The following IFFO2 variants were observed in gnomAD, a reference collection of about 807,000 sequenced individuals.
The protein encoded by IFFO2 is intermediate filament family orphan 2.
Under a neutral mutation model 53.5 loss-of-function variants are expected in IFFO2, and 19 were observed. The observed-to-expected ratio is 0.36, with a 90% CI of 0.25 to 0.52. IFFO2 has a LOEUF of 0.52. Ranked by LOEUF, IFFO2 falls within the 20% of genes least tolerant of loss-of-function variation. The pLI, the probability that IFFO2 is intolerant of heterozygous loss-of-function variation, is 0.94. For synonymous variants in IFFO2, 303 were observed against 313.6 expected, an observed-to-expected ratio of 0.97 and a Z score of 0.36; for missense variants, 570 against 727.4, an observed-to-expected ratio of 0.78 and a Z score of 2.49.
chr1:18,949,403 C>T lies in IFFO2; in HGVS notation c.665+6265G>A, dbSNP rs112912265. Among the ~76,000 whole-genome samples the T allele has an allele frequency of 4.6e-5, 7 of 152,292 alleles. No individual in the cohort carries two copies. The East Asian group carries it at 7.7e-4, about 17-fold the overall frequency. ...TCGGGAGGTGGTGGGTGCTTAGGAC[C>T]GCCTGACAGCAGAAAGTCAGGAAAA... On this transcript the variant is annotated intron_variant, in intron 1 of 8. Transcript: ENST00000455833.
chr1:18,921,130 G>C lies in IFFO2; in HGVS notation c.666-9C>G. On this transcript the variant is annotated splice_polypyrimidine_tract_variant and intron_variant, in intron 1 of 8. Coordinates refer to ENST00000455833, the MANE Select transcript of IFFO2 (RefSeq NM_001136265.2). ...CGAGCTCCTCCTCCCACCTGCAAAA[G>C]CCAAGAGGAACAGGTGGTCAGAAGG... is the stretch of plus-strand genomic sequence containing the variant. 2.6e-6 allele frequency: 4 copies of C among 1,551,756 alleles called. No individual in the cohort carries two copies. Among genetic ancestry groups the C allele is most frequent in the Non-Finnish European group, 3.5e-6 (4 of 1,146,914 alleles).
intron 5 of IFFO2, among the ~76,000 whole-genome samples, chr1:18,914,309 A>C (rs1005794791): frequency 2.0e-5 from 3 of 152,140 alleles, no homozygotes; most frequent in African/African-American, 7.2e-5. Flanking sequence ...TTCCACTCTG[A>C]TCTGTCTCCT....
chr1:18,953,963 G>A (rs942097858), intron 1 of IFFO2, among the ~76,000 whole-genome samples: 2 of 152,206 alleles, frequency 1.3e-5, no homozygotes, highest in African/African-American at 4.8e-5. Flanking sequence ...GCAGACAGGA[G>A]GGCCCGGCCC....
intron 5 of IFFO2, among the ~76,000 whole-genome samples, chr1:18,915,384 A>G (rs1309166181): frequency 1.4e-4 from 2 of 14,486 alleles, no homozygotes; most frequent in Non-Finnish European, 2.7e-4. Flanking sequence ...TCTGATTGGT[A>G]GCTCTGATTT....
chr1:18,946,293 CTG>C (rs1192391672), intron 1 of IFFO2, among the ~76,000 whole-genome samples: 1 of 151,986 alleles, frequency 6.6e-6, no homozygotes, highest in Non-Finnish European at 1.5e-5. Flanking sequence ...GAAGTGAAAA[CTG>C]AGGCTCAAGC....
At position 18,912,017 on chromosome 1, in the gene IFFO2, C is replaced by T. The variant is rs1184486474; in HGVS notation, c.1170G>A (p.Leu390=). 2.6e-6 allele frequency: 4 copies of T among 1,551,822 alleles called. No homozygotes were observed. Among genetic ancestry groups the T allele is most frequent in the African/African-American group, 1.4e-5 (1 of 73,178 alleles). The change falls in exon 6 of 9, where the codon CTG becomes CTA. Residue 390 remains leucine (L), a synonymous_variant. Transcript: ENST00000455833. ...SLTWEENEDT[L]LLWEDFTNCN... ...AGTTGGTGAAATCCTCCCAGAGCAG[C>T]AGCGTGTCTTCATTCTCTTCCCACG...
Position 18,905,899 on chromosome 1 carries a change from T to A in IFFO2, c.*2662A>T, listed in dbSNP as rs1169676380. 6.6e-6 allele frequency: 1 copy of A among 152,044 alleles called. No individual in the cohort carries two copies. Among genetic ancestry groups the A allele is most frequent in the Non-Finnish European group, 1.5e-5 (1 of 68,028 alleles). The allele number at this position is 152,044 out of a possible 1,614,324, so 9.4% of individuals were successfully genotyped here. A position where few individuals can be genotyped will look rare whatever the true frequency, so the allele number is the denominator to read the frequency against. ...GGGCTTAGAAATAGAAAGTCAAAAT[T>A]AAGTATTTACAGCTTTACAAAGGAT... On this transcript the variant is annotated 3_prime_UTR_variant, in exon 9 of 9. Transcript: ENST00000455833.
rs75991162 is a variant in IFFO2 at position 18,910,335 on chromosome 1, C to A, written c.1448+7G>T. 2 of 1,599,070 alleles carry A rather than the reference C, an allele frequency of 1.3e-6. No homozygotes were observed. The highest frequency in any genetic ancestry group is 8.5e-7 in the Non-Finnish European group (1 of 1,172,980). ...TAGCTGAATCCCCTGGGAGGATGGGCGGGTACCTGTCTGCGGAGCCTTTGA... is the reference window on the plus strand; with the variant it reads ...TAGCTGAATCCCCTGGGAGGATGGGAGGGTACCTGTCTGCGGAGCCTTTGA... On this transcript the variant is annotated splice_region_variant and intron_variant, in intron 8 of 8. Transcript: ENST00000455833.
intron 1 of IFFO2, among the ~76,000 whole-genome samples, chr1:18,954,509 C>T (rs185491953): frequency 6.6e-6 from 1 of 152,340 alleles, no homozygotes; most frequent in East Asian, 1.9e-4. Flanking sequence ...AAGGGTCCTT[C>T]TCAGTACATC....
In IFFO2 at chr1:18,921,128, A is replaced by T; in HGVS notation, c.666-7T>A. 6.4e-7 allele frequency: 1 copy of T among 1,551,738 alleles called. No homozygotes were observed. Among genetic ancestry groups the T allele is most frequent in the Non-Finnish European group, 8.7e-7 (1 of 1,146,950 alleles). ...GGCGAGCTCCTCCTCCCACCTGCAA[A>T]AGCCAAGAGGAACAGGTGGTCAGAA... On this transcript the variant is annotated splice_region_variant and splice_polypyrimidine_tract_variant and intron_variant, in intron 1 of 8. Coordinates refer to ENST00000455833, the MANE Select transcript of IFFO2 (RefSeq NM_001136265.2).
chr1:18,929,611 G>A (rs1364805599), intron 1 of IFFO2, among the ~76,000 whole-genome samples: 2 of 151,678 alleles, frequency 1.3e-5, no homozygotes, highest in African/African-American at 2.4e-5. Context: ...GGTGACCAAG[G>A]GGCCCTTTGC....
In IFFO2 at chr1:18,917,129, C is replaced by T; in HGVS notation, c.964-87G>A. The T allele has an allele frequency of 2.1e-6, 3 of 1,438,988 alleles. No homozygotes were observed. Among genetic ancestry groups the T allele is most frequent in the Non-Finnish European group, 2.8e-6 (3 of 1,062,688 alleles). The allele number at this position is 1,438,988 out of a possible 1,614,324, so 89.1% of individuals were successfully genotyped here. On this transcript the variant is annotated intron_variant, in intron 4 of 8. Transcript: ENST00000455833. This position sits in a 1 kb window ranked among gnomAD's most constrained non-coding sequence, Gnocchi z 5.9. Reference sequence around the variant, plus strand: ...TGAACTGGGAAGGGAGCCGGCATCTCACAGGATGATGAGCGTGACTGGGGC... The same window carrying T: ...TGAACTGGGAAGGGAGCCGGCATCTTACAGGATGATGAGCGTGACTGGGGC...
At chr1:18,913,388 C>A (rs1936072815) in intron 5 of IFFO2, among the ~76,000 whole-genome samples, 1 of 152,248 alleles carries the variant, frequency 6.6e-6, no homozygotes, top group Non-Finnish European at 1.5e-5. Flanking sequence ...CCTGACTTCA[C>A]TTCCTTCCCA....
chr1:18,912,953 A>T (rs1936062865), intron 5 of IFFO2, among the ~76,000 whole-genome samples: 1 of 152,230 alleles, frequency 6.6e-6, no homozygotes, highest in Non-Finnish European at 1.5e-5. Flanking sequence ...AGACCTAAAG[A>T]TCAGCTCATC....
rs1473085206 is a variant in IFFO2 at position 18,919,722 on chromosome 1, G to A, written c.778C>T (p.Arg260Trp). Residue 260 changes from arginine (R) to tryptophan (W), a missense_variant, in exon 3 of 9, where the codon CGG (arginine) becomes TGG (tryptophan). By Grantham distance (101) the Arg-to-Trp change is moderately radical. Transcript: ENST00000455833. The surrounding 1 kb of genome is among the most constrained non-coding windows in gnomAD (Gnocchi z 4.9). ...IQEEMNEKIE[R>W]LKAELVVFKG... ...AACACCACCAGCTCGGCCTTGAGCC[G>A]CTCGATCTTCTCATTCATCTCCTCC... 1.7e-5 allele frequency: 26 copies of A among 1,551,494 alleles called. No homozygotes were observed. The highest frequency in any genetic ancestry group is 4.8e-5 in the South Asian group (4 of 84,068).
intron 1 of IFFO2, among the ~76,000 whole-genome samples, chr1:18,943,683 A>G (rs1370087797): frequency 2.0e-5 from 3 of 152,186 alleles, no homozygotes; most frequent in Non-Finnish European, 2.9e-5. Flanking sequence ...TGGTGCAGCC[A>G]AGCACAGGGC....
intron 1 of IFFO2, among the ~76,000 whole-genome samples, chr1:18,945,430 A>G (rs16862392): frequency 6.6e-6 from 1 of 152,214 alleles, no homozygotes; most frequent in Non-Finnish European, 1.5e-5. Context: ...GGGGAACTTC[A>G]CAAGATCTAC....
chr1:18,915,792 G>T (rs1046086302), intron 5 of IFFO2, among the ~76,000 whole-genome samples: 1 of 152,176 alleles, frequency 6.6e-6, no homozygotes, highest in African/African-American at 2.4e-5. Flanking sequence ...GCCCACCAAG[G>T]GAAACTAGTG....
intron 7 of IFFO2, 95 bp from the exon 8 acceptor site, chr1:18,910,567 C>G: frequency 2.9e-6 from 4 of 1,400,566 alleles, no homozygotes; most frequent in Non-Finnish European, 3.9e-6. Context: ...AGGGATGGTG[C>G]CATCAAGGCC....
Sources: gnomAD v4.1 joint callset for allele counts (sites outside exome capture counted in the v4.1 genomes callset) on GRCh38, gnomAD v4.1.1 for gene constraint, Gnocchi (gnomAD v3.1) non-coding constraint, MANE v1.5 for transcripts, NCBI Gene and HGNC (gene_info 2026-07-23, HGNC 2026-07-21) for gene names.